PATL1: variants seen among roughly 807,000 people sequenced by gnomAD.
The protein encoded by PATL1 is PAT1 homolog 1, processing body mRNA decay factor.
A neutral mutation model predicts 100.6 loss-of-function variants in PATL1; 32 were observed. The observed-to-expected ratio is 0.32, with a 90% confidence interval of 0.24 to 0.43. PATL1 has a LOEUF of 0.43. Ranked by LOEUF, PATL1 falls within the 20% of genes least tolerant of loss-of-function variation. The pLI is 1.00. For missense variants in PATL1, 747 were observed against 949.9 expected (o/e 0.79, Z 2.81); for synonymous variants, 332 against 330.0 (o/e 1.01, Z -0.07).
intron 15 of PATL1, among the ~76,000 whole-genome samples, chr11:59,646,050 T>C (rs1248491918): frequency 2.6e-5 from 4 of 152,128 alleles, no homozygotes; most frequent in Non-Finnish European, 4.4e-5. Flanking sequence ...TAGAACTAGG[T>C]GTTGTATTTC....
At chr11:59,657,502 G>A in intron 5 of PATL1, 28 bp downstream of exon 5, 3 of 1,533,086 alleles carry the variant, frequency 2.0e-6, no homozygotes, top group Non-Finnish European at 2.7e-6. Flanking sequence ...CCAATATCCT[G>A]GGCTGTGTGC....
At chr11:59,668,780 G>T (rs1165176749) in intron 1 of PATL1, 101 bp downstream of exon 1, 8 of 617,610 alleles carry the variant, frequency 1.3e-5, no homozygotes, top group Non-Finnish European at 2.3e-5. Flanking sequence ...CCCCCAGCCC[G>T]CCCCCTGCCC....
intron 13 of PATL1, among the ~76,000 whole-genome samples, chr11:59,650,432 G>A (rs927529138): frequency 2.6e-5 from 4 of 152,170 alleles, no homozygotes; most frequent in African/African-American, 7.2e-5. Context: ...CCACAGGTAG[G>A]ACAATGTAAT....
Position 59,649,518 on chromosome 11 carries a change from C to T in PATL1, c.1677G>A (p.Lys559=), listed in dbSNP as rs1166711134. Residue 559 remains lysine, a synonymous_variant, in exon 14 of 19, where the codon AAG becomes AAA. Coordinates refer to ENST00000300146, the MANE Select transcript of PATL1 (RefSeq NM_152716.3). The stretch of plus-strand genomic sequence containing the variant: ...TGTCATACATGCTACAAATTTTGTG[C>T]TTTCTGTCATCCATTAGGGCAGGTC... ...EERPALMDDR[K]HKICSMYDNL... 5 of 1,613,910 alleles carry T rather than the reference C, an allele frequency of 3.1e-6. No homozygotes were observed. Among genetic ancestry groups the T allele is most frequent in the Admixed American group, 1.7e-5 (1 of 60,002 alleles).
At chr11:59,660,152 A>C (rs990420892) in intron 2 of PATL1, among the ~76,000 whole-genome samples, 1 of 150,090 alleles carries the variant, frequency 6.7e-6, no homozygotes, top group African/African-American at 2.5e-5. Flanking sequence ...GTTAAAACTC[A>C]TAGCATTAGC....
rs1690844388 is a variant in PATL1, at chr11:59,638,988, A to G, written c.2291+60T>C. 6.4e-6 allele frequency: 10 copies of G among 1,563,212 alleles called. No homozygotes were observed. In the Admixed American group the frequency reaches 1.8e-4, roughly 28 times the overall value. On this transcript the variant is annotated intron_variant, in intron 18 of 18. Coordinates refer to ENST00000300146, the MANE Select transcript of PATL1 (RefSeq NM_152716.3). ...GTGAGCCACCGTACCCAGCCTCCCA[A>G]CCATAACTTCTAAAGTCCCAACTTT... is the stretch of plus-strand genomic sequence containing the variant.
intron 1 of PATL1, 41 bp downstream of exon 1, chr11:59,668,840 C>T (rs1359726120): frequency 7.4e-6 from 6 of 814,822 alleles, no homozygotes; most frequent in South Asian, 1.6e-5. Context: ...GAGAGGGGCG[C>T]GGGAGGGAGG....
chr11:59,638,655 C>T (rs188617654), intron 18 of PATL1, among the ~76,000 whole-genome samples: 180 of 151,964 alleles, frequency 1.2e-3, no homozygotes, highest in Non-Finnish European at 2.1e-3. Flanking sequence ...CAGTTTTATT[C>T]CCCCCTCCAC....
At position 59,645,169 on chromosome 11, in the gene PATL1, C is replaced by T. The variant is rs1861344057; in HGVS notation, c.1894-2134G>A. ...GTACAGAACAAAATGAAAAGTCTCC[C>T]ATGTCTACCTCTTTCTACACAGACA... On this transcript the variant is annotated intron_variant, in intron 15 of 18. Coordinates refer to ENST00000300146, the MANE Select transcript of PATL1 (RefSeq NM_152716.3). 2.3e-5 allele frequency among the ~76,000 whole-genome samples: 3 copies of T among 128,000 alleles called. No homozygotes were observed. The South Asian group carries it at 8.3e-4, about 35-fold the overall frequency. 84.0% of individuals were successfully genotyped at this position (128,000 alleles called of 152,430 possible).
Position 59,643,020 on chromosome 11 carries a change from G to T in PATL1, c.1909C>A (p.Leu637Met). The T allele has an allele frequency of 6.2e-7, 1 of 1,613,904 alleles. No homozygotes were observed. Among genetic ancestry groups the T allele is most frequent in the Non-Finnish European group, 8.5e-7 (1 of 1,179,830 alleles). ...TAGAGAAGGAGAGAGAAGGGACTCA[G>T]TAAGCATGGCAGCACCTACAAAAAA... ...DAQDEVLPCL[L>M]SPFSLLLYHL... The change falls in exon 16 of 19, where the codon CTG becomes ATG. Residue 637 changes from leucine to methionine, a missense_variant. Leu to Met is a conservative substitution (Grantham distance 15). Around this residue, in one of 4 missense-constraint regions of PATL1, gnomAD observed 434 missense variants for 596.1 expected, o/e 0.73. Transcript: ENST00000300146.
intron 5 of PATL1, chr11:59,656,930 G>T: frequency 3.0e-6 from 1 of 329,308 alleles, no homozygotes; most frequent in Non-Finnish European, 4.3e-6. Flanking sequence ...GAGAAGGAAT[G>T]ATAAGAAAGC....
intron 15 of PATL1, among the ~76,000 whole-genome samples, chr11:59,646,360 A>AT (rs1565131373): frequency 3.3e-5 from 3 of 90,908 alleles, no homozygotes; most frequent in African/African-American, 1.3e-4. Context: ...TTTTTTCTCT[A>AT]TTTTTAGTAG....
chr11:59,655,786 C>T, intron 7 of PATL1, 46 bp from the exon 8 acceptor site: 1 of 1,500,656 alleles, frequency 6.7e-7, no homozygotes, highest in Non-Finnish European at 9.1e-7. Context: ...CAGCAAGTCC[C>T]CTTGCTTTTG....
chr11:59,651,571 A>T lies in PATL1; in HGVS notation c.1497T>A (p.Ala499=). 6.2e-7 allele frequency: 1 copy of T among 1,612,396 alleles called. No homozygotes were observed. Among genetic ancestry groups the T allele is most frequent in the Non-Finnish European group, 8.5e-7 (1 of 1,179,198 alleles). ...SVNNPRKMID[A]VVTSRSEDDE... Reference sequence around the variant, plus strand: ...CATCCTCACTCCGAGATGTCACAACAGCATCAATCATTTTTCGGGGATTAT... The same window carrying T: ...CATCCTCACTCCGAGATGTCACAACTGCATCAATCATTTTTCGGGGATTAT... Residue 499 remains alanine (A), a synonymous_variant, in exon 12 of 19, where the codon GCT becomes GCA. Coordinates refer to ENST00000300146, the MANE Select transcript of PATL1 (RefSeq NM_152716.3).
chr11:59,639,013 T>C (rs745639528), intron 18 of PATL1, 35 bp downstream of exon 18: 8 of 1,603,756 alleles, frequency 5.0e-6, no homozygotes, highest in Admixed American at 1.7e-5. Flanking sequence ...GTCCCAACTT[T>C]AGTGAGATGT....
At chr11:59,664,777 C>A (rs948352032) in intron 2 of PATL1, among the ~76,000 whole-genome samples, 1 of 152,092 alleles carries the variant, frequency 6.6e-6, no homozygotes, top group Non-Finnish European at 1.5e-5. Flanking sequence ...ACTATGTTGC[C>A]GAGGATGGTC....
rs770174788 is a variant in PATL1 at position 59,656,494 on chromosome 11, C to T, written c.723+5G>A. On this transcript the variant is annotated splice_donor_5th_base_variant and intron_variant, in intron 6 of 18. Transcript: ENST00000300146. ...CACATTTTTGTTAGGCTTAAAGTGA[C>T]ATACCGGGACACTGCAGAGCTGGTT... 8.7e-6 allele frequency: 14 copies of T among 1,610,040 alleles called. 1 individual carries two copies. The South Asian group carries it at 1.4e-4, about 16-fold the overall frequency.
Position 59,638,111 on chromosome 11 carries a change from CA to C in PATL1, c.*278del. ...AGAGATTACACTTGTGTCTCTAGGGCAAAGAAAATGCAAAACAGAACTGAGT... is the reference window on the plus strand; with the variant it reads ...AGAGATTACACTTGTGTCTCTAGGGCAAGAAAATGCAAAACAGAACTGAGT... On this transcript the variant is annotated 3_prime_UTR_variant, in exon 19 of 19. Coordinates refer to ENST00000300146, the MANE Select transcript of PATL1 (RefSeq NM_152716.3). 2.1e-6 allele frequency: 1 copy of C among 484,608 alleles called. No individual in the cohort carries two copies. The highest frequency in any genetic ancestry group is 3.7e-6 in the Non-Finnish European group (1 of 266,768). 30.0% of individuals were successfully genotyped at this position (484,608 alleles called of 1,614,324 possible). A position where few individuals can be genotyped will look rare whatever the true frequency, so the allele number is the denominator to read the frequency against.
intron 2 of PATL1, among the ~76,000 whole-genome samples, chr11:59,661,466 C>A (rs117391051): frequency 0.035 from 5,356 of 152,186 alleles, 135 homozygotes; most frequent in Non-Finnish European, 0.043. Context: ...CATTTTATTT[C>A]TTCCTTTACC....
Sources: allele counts gnomAD v4.1 joint callset (sites outside exome capture counted in the v4.1 genomes callset), GRCh38; gene constraint gnomAD v4.1.1; regional missense constraint gnomAD v4.1.1; transcripts MANE v1.5; gene names NCBI Gene and HGNC (gene_info 2026-07-23, HGNC 2026-07-21).